The following ATRNL1 variants were observed in gnomAD, a reference collection of about 807,000 sequenced individuals.
The protein encoded by ATRNL1 is attractin like 1, also known as attractin-like protein 1.
ATRNL1 carries 95 observed loss-of-function variants against 182.7 expected under a neutral mutation model. The ratio of observed to expected loss-of-function variants is 0.52; its 90% CI spans 0.44 to 0.62. ATRNL1 has a LOEUF of 0.62. Ranked by LOEUF, ATRNL1 falls within the 20% of genes least tolerant of loss-of-function variation. The probability of loss-of-function intolerance (pLI) is 0.00; values close to 1 mark genes in which losing one functional copy is unlikely to be tolerated. For missense variants in ATRNL1, 1,471 were observed against 1,679.5 expected (o/e 0.88, Z 2.17); for synonymous variants, 576 against 568.3 (o/e 1.01, Z -0.19).
At chr10:115,739,989 T>A (rs1245970901) in intron 27 of ATRNL1, among the ~76,000 whole-genome samples, 1 of 152,202 alleles carries the variant, frequency 6.6e-6, no homozygotes, top group Non-Finnish European at 1.5e-5. Flanking sequence ...AATAGCTGAC[T>A]GTAAGAATCC....
rs1421703503 is a variant in ATRNL1, at chr10:115,285,474, A to G, written c.2234-742A>G. 7.2e-5 allele frequency among the ~76,000 whole-genome samples: 11 copies of G among 152,122 alleles called. No homozygotes were observed. In the East Asian group the frequency reaches 1.9e-3, roughly 27 times the overall value. ...ATGTAATCTAACTTTATAGATCAGTATATCAATGAAACACTATTATTAATT... is the reference window on the plus strand; with the variant it reads ...ATGTAATCTAACTTTATAGATCAGTGTATCAATGAAACACTATTATTAATT... On this transcript the variant is annotated intron_variant, in intron 14 of 28. Coordinates refer to ENST00000355044, the MANE Select transcript of ATRNL1 (RefSeq NM_207303.4).
intron 8 of ATRNL1, among the ~76,000 whole-genome samples, chr10:115,185,181 A>G (rs1238430374): frequency 6.6e-6 from 1 of 152,008 alleles, no homozygotes; most frequent in Admixed American, 6.6e-5. Context: ...AAGTTAATAC[A>G]TAGATGTAGA....
At chr10:115,276,457 A>C (rs1432788835) in intron 13 of ATRNL1, among the ~76,000 whole-genome samples, 1 of 152,218 alleles carries the variant, frequency 6.6e-6, no homozygotes, top group Non-Finnish European at 1.5e-5. Context: ...TTCAATGATG[A>C]TGTGTTAACA....
chr10:115,930,971 T>C (rs536196201), intron 28 of ATRNL1, among the ~76,000 whole-genome samples: 1 of 152,280 alleles, frequency 6.6e-6, no homozygotes, highest in East Asian at 1.9e-4. Context: ...GGACAAAATA[T>C]AATTAATTAA....
chr10:115,880,647 G>A lies in ATRNL1; in HGVS notation c.4018+32656G>A, dbSNP rs117821319. ...TCAAAGACAAAAACAAAAAAGAAAG[G>A]GAGTGGTACTGTGGAACTGGAAGGG... On this transcript the variant is annotated intron_variant, in intron 28 of 28. Transcript: ENST00000355044. Among the ~76,000 whole-genome samples, 1,040 of 152,154 alleles carry A rather than the reference G, an allele frequency of 6.8e-3. 11 individuals are homozygous for A. Among genetic ancestry groups the A allele is most frequent in the Non-Finnish European group, 9.6e-3 (655 of 67,996 alleles).
rs192231881 is a variant in ATRNL1, at chr10:115,584,729, T to G, written c.3795+35193T>G. 7.7e-4 allele frequency among the ~76,000 whole-genome samples: 117 copies of G among 152,314 alleles called. 1 individual carries two copies. Among genetic ancestry groups the G allele is most frequent in the Admixed American group, 1.6e-3 (24 of 15,300 alleles). ...CTGGATTCATTAATTTTTTGAAAGC[T>G]TTTTGTGTCTCTATTTCCTTCAGTT... is the stretch of plus-strand genomic sequence containing the variant. On this transcript the variant is annotated intron_variant, in intron 26 of 28. Transcript: ENST00000355044.
chr10:115,728,263 C>G (rs1555061196), intron 27 of ATRNL1, among the ~76,000 whole-genome samples: 1 of 134,564 alleles, frequency 7.4e-6, no homozygotes, highest in African/African-American at 2.8e-5. Flanking sequence ...CCACTGCACT[C>G]CAGCCTGGGC....
Position 115,306,802 on chromosome 10 carries a change from AT to A in ATRNL1, c.2818+4762del, listed in dbSNP as rs1313208547. Among the ~76,000 whole-genome samples the A allele has an allele frequency of 7.9e-5, 12 of 152,184 alleles. No homozygotes were observed. The South Asian group carries it at 2.3e-3, about 29-fold the overall frequency. On this transcript the variant is annotated intron_variant, in intron 17 of 28. Coordinates refer to ENST00000355044, the MANE Select transcript of ATRNL1 (RefSeq NM_207303.4). The stretch of plus-strand genomic sequence containing the variant: ...TTTTTATAATCCTTTGAGACTTTTT[AT>A]TTATTTGAAATAAGTTTTTTGAGAA...
chr10:115,736,778 AT>A (rs1277991817), intron 27 of ATRNL1, among the ~76,000 whole-genome samples: 1 of 151,792 alleles, frequency 6.6e-6, no homozygotes, highest in African/African-American at 2.4e-5. Flanking sequence ...TTTATTTATT[AT>A]TTTTTTGAGA....
chr10:115,200,454 A>G (rs183193356), intron 8 of ATRNL1, among the ~76,000 whole-genome samples: 3,533 of 142,002 alleles, frequency 0.025, 142 homozygotes, highest in African/African-American at 0.087. Context: ...TTCAATTCCC[A>G]TCTATGAGTG....
At position 115,188,931 on chromosome 10, in the gene ATRNL1, A is replaced by G. The variant is rs192362809; in HGVS notation, c.1348+17639A>G. Among the ~76,000 whole-genome samples, 156 of 152,308 alleles carry G rather than the reference A, an allele frequency of 1.0e-3. 2 individuals are homozygous for G. The highest frequency in any genetic ancestry group is 2.8e-3 in the African/African-American group (115 of 41,586). Reference sequence around the variant, plus strand: ...AAGCAAAATTTTATTATGTGTTGCAATTAGGCTTGGCATTTGTGGTAGAGT... The same window carrying G: ...AAGCAAAATTTTATTATGTGTTGCAGTTAGGCTTGGCATTTGTGGTAGAGT... On this transcript the variant is annotated intron_variant, in intron 8 of 28. Coordinates refer to ENST00000355044, the MANE Select transcript of ATRNL1 (RefSeq NM_207303.4).
intron 24 of ATRNL1, among the ~76,000 whole-genome samples, chr10:115,518,163 G>A (rs11197258): frequency 0.32 from 47,763 of 151,604 alleles, 9,563 homozygotes; most frequent in Non-Finnish European, 0.45. Context: ...TGGAAGCTGG[G>A]ACAATTATAG....
At chr10:115,284,949 C>A (rs778804761) in intron 14 of ATRNL1, among the ~76,000 whole-genome samples, 1 of 152,142 alleles carries the variant, frequency 6.6e-6, no homozygotes, top group Non-Finnish European at 1.5e-5. Flanking sequence ...CTAGATTCTG[C>A]AATTAACATA....
chr10:115,694,322 AAAT>A (rs1346356196), intron 26 of ATRNL1, among the ~76,000 whole-genome samples: 4 of 152,086 alleles, frequency 2.6e-5, no homozygotes, highest in African/African-American at 9.7e-5. Context: ...TGAATTCAAA[AAAT>A]AAAATGTTTA....
intron 26 of ATRNL1, among the ~76,000 whole-genome samples, chr10:115,649,929 A>G (rs550556373): frequency 1.2e-3 from 182 of 152,280 alleles, no homozygotes; most frequent in African/African-American, 4.3e-3. Context: ...AGTGGAAGAT[A>G]AAAGTGATAA....
At position 115,290,517 on chromosome 10, in the gene ATRNL1, C is replaced by G. The variant is rs192509112; in HGVS notation, c.2415+4120C>G. Reference sequence around the variant, plus strand: ...TAAAAATATAAAAAATTAGCTGGGCCTGGTGGCGGGCGCCTGTAATCCCAG... The same window carrying G: ...TAAAAATATAAAAAATTAGCTGGGCGTGGTGGCGGGCGCCTGTAATCCCAG... On this transcript the variant is annotated intron_variant, in intron 15 of 28. Transcript: ENST00000355044. 2.5e-3 allele frequency among the ~76,000 whole-genome samples: 379 copies of G among 152,112 alleles called. 1 individual carries two copies. Among genetic ancestry groups the G allele is most frequent in the Middle Eastern group, 0.01 (3 of 294 alleles).
At chr10:115,381,763 C>A (rs112458894) in intron 19 of ATRNL1, among the ~76,000 whole-genome samples, 1,701 of 152,094 alleles carry the variant, frequency 0.011, 13 homozygotes, top group South Asian at 0.033. Flanking sequence ...AGTACTAAAA[C>A]AATTACCTAA....
chr10:115,843,749 C>T (rs375240676), intron 27 of ATRNL1, among the ~76,000 whole-genome samples: 5 of 152,038 alleles, frequency 3.3e-5, no homozygotes, highest in African/African-American at 9.7e-5. Flanking sequence ...GGTCAGCACA[C>T]GTTTTAAGAG....
At chr10:115,189,672 A>T (rs1184256405) in intron 8 of ATRNL1, among the ~76,000 whole-genome samples, 3 of 152,174 alleles carry the variant, frequency 2.0e-5, no homozygotes, top group African/African-American at 7.2e-5. Flanking sequence ...AGAAGGATCA[A>T]AAAGTTAAAA....
Sources: allele counts gnomAD v4.1 joint callset (sites outside exome capture counted in the v4.1 genomes callset), GRCh38; gene constraint gnomAD v4.1.1; transcripts MANE v1.5; gene names NCBI Gene and HGNC (gene_info 2026-07-23, HGNC 2026-07-21).